The following HBS1L variants were observed in gnomAD, a reference collection of about 807,000 sequenced individuals.
HBS1L encodes the protein HBS1-like protein.
In HBS1L, 55 loss-of-function variants were observed where a neutral mutation model predicts 88.9. That is an observed-to-expected ratio of 0.62 (90% CI 0.50 to 0.77). HBS1L has a LOEUF of 0.77. Ranked by LOEUF, HBS1L falls within the 30% of genes least tolerant of loss-of-function variation. The probability of loss-of-function intolerance (pLI) is 0.00; values close to 1 mark genes in which losing one functional copy is unlikely to be tolerated. For synonymous variants in HBS1L, 267 were observed against 288.5 expected (o/e 0.93, Z 0.76); for missense variants, 741 against 829.3 (o/e 0.89, Z 1.31).
At chr6:134,986,036 G>T in intron 11 of HBS1L, 30 bp downstream of exon 11, 2 of 868,626 alleles carry the variant, frequency 2.3e-6, no homozygotes, top group Non-Finnish European at 3.8e-6. Flanking sequence ...AGTTTATAAT[G>T]CATTAAAGCT....
chr6:135,042,418 T>C (rs1321824897), intron 2 of HBS1L, among the ~76,000 whole-genome samples: 1 of 152,138 alleles, frequency 6.6e-6, no homozygotes, highest in Non-Finnish European at 1.5e-5. Flanking sequence ...CCTTTCCTAA[T>C]ATCTCTTCTT....
At chr6:135,039,050 C>T (rs1177904186) in intron 4 of HBS1L, among the ~76,000 whole-genome samples, 5 of 152,096 alleles carry the variant, frequency 3.3e-5, no homozygotes, top group African/African-American at 9.7e-5. Context: ...CAGTGGCTGA[C>T]GCCTGCAATC....
At chr6:135,008,078 A>G (rs1217773420) in intron 4 of HBS1L, among the ~76,000 whole-genome samples, 1 of 152,226 alleles carries the variant, frequency 6.6e-6, no homozygotes, top group African/African-American at 2.4e-5. Flanking sequence ...ACTATGAGAT[A>G]AAAATAAAAT....
At chr6:134,983,993 A>T (rs924487231) in intron 12 of HBS1L, among the ~76,000 whole-genome samples, 1 of 152,168 alleles carries the variant, frequency 6.6e-6, no homozygotes, top group Admixed American at 6.6e-5. Flanking sequence ...GATAGAATTG[A>T]AAGTGTATAT....
At position 134,960,580 on chromosome 6, in the gene HBS1L, T is replaced by G. The variant is rs1405206210; in HGVS notation, c.*4699A>C. ...TTATTAATATGAAATTCTCTTAATT[T>G]TTTTTTACTTGCTTTAAATTCTTTG... On this transcript the variant is annotated 3_prime_UTR_variant, in exon 18 of 18. Transcript: ENST00000367837. The G allele has an allele frequency of 1.3e-5, 2 of 152,166 alleles. No homozygotes were observed. Among genetic ancestry groups the G allele is most frequent in the Non-Finnish European group, 2.9e-5 (2 of 67,988 alleles). The allele number at this position is 152,166 out of a possible 1,614,324, so 9.4% of individuals were successfully genotyped here. A position where few individuals can be genotyped will look rare whatever the true frequency, so the allele number is the denominator to read the frequency against.
At chr6:135,030,777 G>T (rs1007090968) in intron 4 of HBS1L, among the ~76,000 whole-genome samples, 3 of 152,078 alleles carry the variant, frequency 2.0e-5, no homozygotes, top group Non-Finnish European at 4.4e-5. Flanking sequence ...AGAGTAGTGG[G>T]CCAAAAAATG....
chr6:135,053,580 G>C (rs1271346060), intron 1 of HBS1L, among the ~76,000 whole-genome samples: 1 of 152,196 alleles, frequency 6.6e-6, no homozygotes, highest in Non-Finnish European at 1.5e-5. Context: ...GTAACCACCA[G>C]AAAATTCACA....
At chr6:134,974,651 A>G (rs1489633702) in intron 15 of HBS1L, among the ~76,000 whole-genome samples, 1 of 42,448 alleles carries the variant, frequency 2.4e-5, no homozygotes, top group African/African-American at 6.4e-5. Flanking sequence ...AATTAAAAGC[A>G]AAAAAAAAAC....
intron 4 of HBS1L, among the ~76,000 whole-genome samples, chr6:135,027,833 T>C (rs1425433210): frequency 6.6e-6 from 1 of 151,648 alleles, no homozygotes; most frequent in East Asian, 1.9e-4. Flanking sequence ...ATTAGCACAA[T>C]CTTGGCTCAC....
chr6:134,966,301 TATA>T, intron 17 of HBS1L, 25 bp downstream of exon 17: 2 of 1,590,178 alleles, frequency 1.3e-6, no homozygotes, highest in Non-Finnish European at 1.7e-6. Flanking sequence ...ACTATGGATA[TATA>T]ATGAGTCACT....
intron 10 of HBS1L, 109 bp downstream of exon 10, chr6:134,986,611 CAAGAGAAAATAAAGCA>C: frequency 2.1e-6 from 1 of 479,660 alleles, no homozygotes; most frequent in Non-Finnish European, 3.6e-6. Context: ...ATATGATACT[CAAGAGAAAATAAAGCA>C]AAGAGAATTA....
chr6:135,011,051 A>G (rs2114834646), intron 4 of HBS1L, among the ~76,000 whole-genome samples: 1 of 152,332 alleles, frequency 6.6e-6, no homozygotes, highest in Middle Eastern at 3.4e-3. Flanking sequence ...TGGGTTATTC[A>G]ACACATTATA....
chr6:134,985,715 T>C (rs1774959998), intron 11 of HBS1L, among the ~76,000 whole-genome samples: 1 of 152,104 alleles, frequency 6.6e-6, no homozygotes, highest in African/African-American at 2.4e-5. Context: ...AATGTAAATA[T>C]TCCAAAATCC....
At chr6:135,037,379 T>C in intron 4 of HBS1L, 1 of 1,551,404 alleles carries the variant, frequency 6.4e-7, no homozygotes, top group Admixed American at 2.0e-5. Flanking sequence ...TTTTTAAAAG[T>C]GTGATTCTTG....
At chr6:135,044,475 A>G (rs967353336) in intron 2 of HBS1L, among the ~76,000 whole-genome samples, 4 of 152,216 alleles carry the variant, frequency 2.6e-5, no homozygotes, top group Non-Finnish European at 5.9e-5. Context: ...ATGGCTAAAT[A>G]GCAGAAGAGA....
At chr6:134,983,631 A>C in intron 12 of HBS1L, 1 of 152,308 alleles carries the variant, frequency 6.6e-6, no homozygotes, top group Non-Finnish European at 1.5e-5. Flanking sequence ...TACCCCTAAA[A>C]GAACACTCTC....
Position 135,054,763 on chromosome 6 carries a change from G to T in HBS1L, c.-72C>A, listed in dbSNP as rs1199410865. 2 of 1,559,980 alleles carry T rather than the reference G, an allele frequency of 1.3e-6. No individual in the cohort carries two copies. The highest frequency in any genetic ancestry group is 2.3e-5 in the East Asian group (1 of 43,822). On this transcript the variant is annotated 5_prime_UTR_variant, in exon 1 of 18. Transcript: ENST00000367837. Reference sequence around the variant, plus strand: ...CACTCCGCTTAGATACTGATAAGGCGCCAACTGCAGCCTGGAGAACCCCTA... The same window carrying T: ...CACTCCGCTTAGATACTGATAAGGCTCCAACTGCAGCCTGGAGAACCCCTA...
rs1424975131 is a variant in HBS1L, at chr6:134,973,782, G to A, written c.1798-4444C>T. On this transcript the variant is annotated intron_variant, in intron 15 of 17. Transcript: ENST00000367837. ...GCCCAGGAGGCAGAGGTTTCAGTGA[G>A]CCAAGATTGTGCCACTGCACTCTAG... Among the ~76,000 whole-genome samples, 4 of 151,840 alleles carry A rather than the reference G, an allele frequency of 2.6e-5. No individual in the cohort carries two copies. The East Asian group carries it at 7.7e-4, about 29-fold the overall frequency.
chr6:135,052,611 C>A (rs1044560781), intron 1 of HBS1L, among the ~76,000 whole-genome samples: 17 of 150,838 alleles, frequency 1.1e-4, no homozygotes, highest in African/African-American at 4.1e-4. Context: ...AAAAAAAACT[C>A]TTTTTTACTA....
Sources: gnomAD v4.1 joint callset for allele counts (sites outside exome capture counted in the v4.1 genomes callset) on GRCh38, gnomAD v4.1.1 for gene constraint, MANE v1.5 for transcripts, NCBI Gene and HGNC (gene_info 2026-07-23, HGNC 2026-07-21) for gene names.